The following FAAH2 variants were observed in gnomAD, a reference collection of about 807,000 sequenced individuals.
FAAH2 encodes fatty-acid amide hydrolase 2.
A neutral mutation model predicts 36.9 loss-of-function variants in FAAH2; 60 were observed. That is an observed-to-expected ratio of 1.63 (90% CI 1.32 to 2.02). The LOEUF (loss-of-function observed/expected upper bound fraction) is 2.02. Among genes scored for constraint, FAAH2 ranks in the 30% most tolerant of loss-of-function variants. The pLI, the probability that FAAH2 is intolerant of heterozygous loss-of-function variation, is 0.00. For synonymous variants in FAAH2, 214 were observed against 143.8 expected, an observed-to-expected ratio of 1.49 and a Z score of -3.49; for missense variants, 689 against 397.5, an observed-to-expected ratio of 1.73 and a Z score of -6.23.
chrX:57,348,853 A>G (rs2053901912), intron 5 of FAAH2, among the ~76,000 whole-genome samples: 1 of 108,794 alleles, frequency 9.2e-6, no homozygotes, highest in African/African-American at 3.3e-5. Flanking sequence ...AGATGTCAAC[A>G]TAAAGACACA....
At chrX:57,162,263 A>C in the FAAH2 span, among the ~76,000 whole-genome samples, 6 of 111,610 alleles carry the variant, frequency 5.4e-5, no homozygotes, top group Non-Finnish European at 1.1e-4. Context: ...TTTGAGGGTA[A>C]CCCAACCTTT....
the FAAH2 span, among the ~76,000 whole-genome samples, chrX:57,236,400 T>G: frequency 8.9e-6 from 1 of 112,516 alleles, no homozygotes; most frequent in Non-Finnish European, 1.9e-5. Context: ...TAATTTAATA[T>G]TTTGAGGAAT....
intron 5 of FAAH2, among the ~76,000 whole-genome samples, chrX:57,363,468 G>A (rs2054334418): frequency 1.8e-5 from 2 of 111,645 alleles, no homozygotes; most frequent in African/African-American, 3.3e-5. Context: ...TCTTTTGGCA[G>A]AGTGTTTAGG....
the FAAH2 span, among the ~76,000 whole-genome samples, chrX:57,266,557 C>T: frequency 8.9e-6 from 1 of 112,495 alleles, no homozygotes; most frequent in African/African-American, 3.2e-5. Flanking sequence ...TACTCTTGAA[C>T]TATAAAAAGA....
the FAAH2 span, among the ~76,000 whole-genome samples, chrX:57,123,971 G>T: frequency 8.1e-5 from 9 of 111,641 alleles, no homozygotes; most frequent in East Asian, 2.2e-3. Context: ...CACTCTGATG[G>T]TAGTTTCTTT....
the FAAH2 span, among the ~76,000 whole-genome samples, chrX:57,169,784 C>A: frequency 9.6e-6 from 1 of 103,969 alleles, no homozygotes; most frequent in Admixed American, 1.1e-4. Context: ...ATCCAGCTGA[C>A]CTGTCCTGCA....
In FAAH2 at chrX:57,442,525, C is replaced by T. The variant is rs187240483; in HGVS notation, c.1117-4403C>T. Among the ~76,000 whole-genome samples, 186 of 111,379 alleles carry T rather than the reference C, an allele frequency of 1.7e-3. 1 individual carries two copies. The highest frequency in any genetic ancestry group is 5.8e-3 in the African/African-American group (177 of 30,585). On this transcript the variant is annotated intron_variant, in intron 8 of 10. Coordinates refer to ENST00000374900, the MANE Select transcript of FAAH2 (RefSeq NM_174912.4). ...TGTCTCTGCATGTGATATGGGTTTC[C>T]TGCATACAGCACACTGATGTGTCTT...
At chrX:57,327,625 T>A (rs894732646) in intron 3 of FAAH2, among the ~76,000 whole-genome samples, 3 of 111,866 alleles carry the variant, frequency 2.7e-5, no homozygotes, top group Admixed American at 9.5e-5. Flanking sequence ...TTCCACTTGA[T>A]CAAATCAGCT....
intron 7 of FAAH2, among the ~76,000 whole-genome samples, chrX:57,425,533 A>G (rs1166274357): frequency 3.6e-5 from 4 of 112,031 alleles, no homozygotes; most frequent in Non-Finnish European, 7.5e-5. Flanking sequence ...CAGAAACTTT[A>G]TAAGCCTGAA....
chrX:57,202,797 G>C, the FAAH2 span, among the ~76,000 whole-genome samples: 1 of 111,655 alleles, frequency 9.0e-6, no homozygotes, highest in Non-Finnish European at 1.9e-5. Flanking sequence ...TAAAAATTCT[G>C]GAAGTCTGCC....
At chrX:57,451,125 G>A (rs747663913) in intron 10 of FAAH2, among the ~76,000 whole-genome samples, 1 of 111,411 alleles carries the variant, frequency 9.0e-6, no homozygotes, top group Non-Finnish European at 1.9e-5. Flanking sequence ...TACGAACTGG[G>A]ACTTTAACCC....
chrX:57,421,708 A>G (rs1310980577), intron 7 of FAAH2, among the ~76,000 whole-genome samples: 1 of 112,064 alleles, frequency 8.9e-6, no homozygotes, highest in South Asian at 3.8e-4. Context: ...ATTTGGTGAA[A>G]GAAGGGACAC....
chrX:57,463,064 C>A (rs918086510), intron 10 of FAAH2, among the ~76,000 whole-genome samples: 2 of 111,430 alleles, frequency 1.8e-5, no homozygotes, highest in African/African-American at 6.5e-5. Context: ...ACAATTGCTA[C>A]AAAGAAAATT....
chrX:57,431,272 G>A (rs1195384128), intron 7 of FAAH2, among the ~76,000 whole-genome samples: 3 of 111,707 alleles, frequency 2.7e-5, no homozygotes, highest in Admixed American at 1.9e-4. Flanking sequence ...GGGTGGTATG[G>A]TGGGTCCTAA....
At chrX:57,169,989 G>T in the FAAH2 span, among the ~76,000 whole-genome samples, 3 of 110,579 alleles carry the variant, frequency 2.7e-5, no homozygotes, top group African/African-American at 9.9e-5. Context: ...AGTGCTATGG[G>T]TTGAATGTTT....
chrX:57,291,200 G>A (rs1231850973), intron 1 of FAAH2, among the ~76,000 whole-genome samples: 1 of 111,414 alleles, frequency 9.0e-6, no homozygotes, highest in African/African-American at 3.3e-5. Context: ...GTCTCTGAGG[G>A]AGCTATATTG....
intron 3 of FAAH2, among the ~76,000 whole-genome samples, chrX:57,319,999 C>A (rs746185090): frequency 2.7e-5 from 3 of 111,741 alleles, no homozygotes; most frequent in Non-Finnish European, 5.6e-5. Flanking sequence ...TTTCTTACAC[C>A]TTATACAAAA....
intron 3 of FAAH2, among the ~76,000 whole-genome samples, chrX:57,328,313 C>T (rs1370678005): frequency 8.9e-6 from 1 of 111,792 alleles, no homozygotes; most frequent in African/African-American, 3.3e-5. Context: ...GCAGTCTGTC[C>T]ATTCTCAGAT....
At chrX:57,203,659 A>T in the FAAH2 span, among the ~76,000 whole-genome samples, 3 of 112,104 alleles carry the variant, frequency 2.7e-5, no homozygotes, top group Non-Finnish European at 5.6e-5. Flanking sequence ...CACAATCATC[A>T]TTGAAATCAC....
Sources: allele counts gnomAD v4.1 joint callset (sites outside exome capture counted in the v4.1 genomes callset), GRCh38; gene constraint gnomAD v4.1.1; transcripts MANE v1.5; gene names NCBI Gene and HGNC (gene_info 2026-07-23, HGNC 2026-07-21).